CALN1: variants seen among roughly 807,000 people sequenced by gnomAD.
CALN1 encodes the protein calneuron 1.
A neutral mutation model predicts 30.6 loss-of-function variants in CALN1; 17 were observed. That is an observed-to-expected ratio of 0.56 (90% CI 0.38 to 0.83). CALN1 has a LOEUF of 0.83. Ranked by LOEUF, CALN1 falls within the 40% of genes least tolerant of loss-of-function variation. CALN1 has a pLI of 0.00. For missense variants in CALN1, 291 were observed against 354.9 expected (o/e 0.82, Z 1.45); for synonymous variants, 156 against 131.4 (o/e 1.19, Z -1.28).
chr7:72,354,705 T>C (rs950755901), intron 2 of CALN1, among the ~76,000 whole-genome samples: 3 of 152,268 alleles, frequency 2.0e-5, no homozygotes, highest in African/African-American at 7.2e-5. Context: ...ATGAGGATAG[T>C]CTTTTCATCC....
chr7:72,449,522 A>T (rs952996998), upstream of CALN1, among the ~76,000 whole-genome samples: 3 of 152,046 alleles, frequency 2.0e-5, no homozygotes, highest in African/African-American at 7.2e-5. Context: ...CCTGGTTCAC[A>T]CCCTTAGATA....
chr7:72,242,217 T>C (rs1794886341), intron 3 of CALN1, among the ~76,000 whole-genome samples: 1 of 152,184 alleles, frequency 6.6e-6, no homozygotes, highest in African/African-American at 2.4e-5. Context: ...TGTCCTTCCT[T>C]TTTAAGGCTG....
intron 5 of CALN1, among the ~76,000 whole-genome samples, chr7:71,989,014 C>T (rs1167990152): frequency 6.6e-6 from 1 of 152,188 alleles, no homozygotes; most frequent in Non-Finnish European, 1.5e-5. Flanking sequence ...TTTTCTATTA[C>T]TCCTCACTGG....
At chr7:72,029,115 T>A (rs917627682) in intron 4 of CALN1, among the ~76,000 whole-genome samples, 1 of 152,108 alleles carries the variant, frequency 6.6e-6, no homozygotes, top group Non-Finnish European at 1.5e-5. Context: ...GCATCTTTTG[T>A]TCTAATATTT....
chr7:71,842,982 C>T (rs1213600645), intron 5 of CALN1, among the ~76,000 whole-genome samples: 2 of 152,146 alleles, frequency 1.3e-5, no homozygotes, highest in Non-Finnish European at 2.9e-5. Context: ...AAATCCTAGA[C>T]CTCCAGCATT....
intron 5 of CALN1, among the ~76,000 whole-genome samples, chr7:71,824,776 G>T (rs542279452): frequency 6.6e-6 from 1 of 152,106 alleles, no homozygotes; most frequent in Admixed American, 6.6e-5. Flanking sequence ...TTTTCCTGCC[G>T]AGAGAGAGCT....
intron 4 of CALN1, among the ~76,000 whole-genome samples, chr7:72,046,640 G>T (rs918753243): frequency 1.3e-5 from 2 of 149,202 alleles, no homozygotes; most frequent in African/African-American, 5.0e-5. Flanking sequence ...AACCCAGGAG[G>T]CAGAGGTTGC....
At chr7:72,377,071 A>C (rs1804603418) in intron 2 of CALN1, among the ~76,000 whole-genome samples, 1 of 152,188 alleles carries the variant, frequency 6.6e-6, no homozygotes, top group African/African-American at 2.4e-5. Context: ...TGCCAGTGCC[A>C]CACTGTTTTG....
intron 5 of CALN1, among the ~76,000 whole-genome samples, chr7:71,844,859 C>T (rs1471749239): frequency 6.6e-6 from 1 of 152,090 alleles, no homozygotes; most frequent in Non-Finnish European, 1.5e-5. Context: ...ACATACTCCT[C>T]CATCTGAGTT....
At chr7:72,169,249 A>C (rs1488860390) in intron 3 of CALN1, among the ~76,000 whole-genome samples, 2 of 152,092 alleles carry the variant, frequency 1.3e-5, no homozygotes, top group Non-Finnish European at 2.9e-5. Flanking sequence ...CAAAAAAGTA[A>C]AATTTTTCAT....
Position 71,819,977 on chromosome 7 carries a change from T to C in CALN1, c.502-9485A>G, listed in dbSNP as rs555696550. Among the ~76,000 whole-genome samples, 72 of 152,284 alleles carry C rather than the reference T, an allele frequency of 4.7e-4. No homozygotes were observed. In the South Asian group the frequency reaches 6.4e-3, roughly 14 times the overall value. On this transcript the variant is annotated intron_variant, in intron 5 of 6. Coordinates refer to ENST00000395275, the MANE Select transcript of CALN1 (RefSeq NM_031468.4). ...TTCAGGCTATGATGGGAAGGAAGAA[T>C]TGAACATGACTCATTATACCCTCCT...
At chr7:71,868,790 G>A (rs753685592) in intron 5 of CALN1, among the ~76,000 whole-genome samples, 71 of 152,126 alleles carry the variant, frequency 4.7e-4, no homozygotes, top group Non-Finnish European at 8.4e-4. Context: ...AGATTTGCTC[G>A]AGGACACAGA....
At chr7:72,345,153 CAAAAG>C (rs1802572723) in intron 2 of CALN1, among the ~76,000 whole-genome samples, 2 of 148,666 alleles carry the variant, frequency 1.3e-5, no homozygotes. Context: ...TATACAATGC[CAAAAG>C]AAAAGAACAT....
intron 5 of CALN1, among the ~76,000 whole-genome samples, chr7:72,004,016 A>T (rs1466573734): frequency 6.6e-6 from 1 of 152,208 alleles, no homozygotes; most frequent in African/African-American, 2.4e-5. Flanking sequence ...GAATTTTAGT[A>T]GGCACAGACA....
intron 5 of CALN1, among the ~76,000 whole-genome samples, chr7:71,924,009 A>G (rs1272293450): frequency 6.6e-6 from 1 of 152,042 alleles, no homozygotes; most frequent in Non-Finnish European, 1.5e-5. Context: ...CCTGGCCAAC[A>G]TGGTGAAACC....
At chr7:72,007,685 T>G (rs1201668507) in intron 5 of CALN1, among the ~76,000 whole-genome samples, 1 of 152,236 alleles carries the variant, frequency 6.6e-6, no homozygotes, top group Non-Finnish European at 1.5e-5. Context: ...CCTTGTTTAT[T>G]GATCACCACA....
intron 2 of CALN1, among the ~76,000 whole-genome samples, chr7:72,401,454 A>G (rs916938025): frequency 2.6e-5 from 4 of 152,114 alleles, no homozygotes; most frequent in South Asian, 2.1e-4. Flanking sequence ...TCCCCAAGGA[A>G]TAACAAAAAC....
At chr7:72,274,257 C>T (rs944573859) in intron 3 of CALN1, among the ~76,000 whole-genome samples, 10 of 152,016 alleles carry the variant, frequency 6.6e-5, no homozygotes, top group African/African-American at 2.2e-4. Flanking sequence ...ACTGTAATTC[C>T]AGCACTTTGG....
At chr7:72,435,858 G>C (rs148478292) in intron 1 of CALN1, among the ~76,000 whole-genome samples, 3 of 152,300 alleles carry the variant, frequency 2.0e-5, no homozygotes, top group African/African-American at 7.2e-5. Flanking sequence ...ACCTGCCAGA[G>C]ACACAGAATT....
Sources: gnomAD v4.1 joint callset for allele counts (sites outside exome capture counted in the v4.1 genomes callset) on GRCh38, gnomAD v4.1.1 for gene constraint, MANE v1.5 for transcripts, NCBI Gene and HGNC (gene_info 2026-07-23, HGNC 2026-07-21) for gene names.